MAPK8IP1: variants seen among roughly 807,000 people sequenced by gnomAD.
MAPK8IP1 encodes the protein mitogen-activated protein kinase 8 interacting protein 1.
Under a neutral mutation model 72.6 loss-of-function variants are expected in MAPK8IP1, and 17 were observed. That is an observed-to-expected ratio of 0.23 (90% confidence interval 0.16 to 0.35). The LOEUF is 0.35. Among genes scored for constraint, MAPK8IP1 ranks in the 10% least tolerant of loss-of-function variants. The pLI, the probability that MAPK8IP1 is intolerant of heterozygous loss-of-function variation, is 1.00. For missense variants in MAPK8IP1, 789 were observed against 1,009.7 expected (o/e 0.78, Z 2.96); for synonymous variants, 401 against 443.4 (o/e 0.90, Z 1.20).
intron 1 of MAPK8IP1, among the ~76,000 whole-genome samples, chr11:45,890,790 A>G (rs1487541981): frequency 6.6e-6 from 1 of 152,082 alleles, no homozygotes; most frequent in Non-Finnish European, 1.5e-5. Context: ...GGAGGACCCA[A>G]TTGGAGGAAT....
At chr11:45,895,401 C>T (rs2086595497) in intron 1 of MAPK8IP1, among the ~76,000 whole-genome samples, 1 of 152,084 alleles carries the variant, frequency 6.6e-6, no homozygotes, top group South Asian at 2.1e-4. Flanking sequence ...GAGCAGATCA[C>T]CTGAGGTCAG....
intron 11 of MAPK8IP1, 97 bp from the exon 12 acceptor site, chr11:45,905,552 T>TG (rs2086701108): frequency 9.1e-7 from 1 of 1,101,252 alleles, no homozygotes; most frequent in African/African-American, 1.5e-5. Flanking sequence ...GAGCTGCACT[T>TG]GGGCCCCAAG....
chr11:45,896,464 C>A, intron 1 of MAPK8IP1: 1 of 923,858 alleles, frequency 1.1e-6, no homozygotes, highest in Non-Finnish European at 1.3e-6. Context: ...AGATTTCTGC[C>A]ATCTACTTAC....
At chr11:45,899,334 C>T (rs1342059835) in intron 2 of MAPK8IP1, among the ~76,000 whole-genome samples, 1 of 152,278 alleles carries the variant, frequency 6.6e-6, no homozygotes, top group Non-Finnish European at 1.5e-5. Flanking sequence ...CCAGGCACTA[C>T]TGGCCAGAGG....
chr11:45,889,005 C>T (rs1340455550), intron 1 of MAPK8IP1, among the ~76,000 whole-genome samples: 1 of 152,132 alleles, frequency 6.6e-6, no homozygotes, highest in Non-Finnish European at 1.5e-5. Flanking sequence ...CAGTGTCATA[C>T]TTTTATATTA....
rs112012761 is a variant in MAPK8IP1 at position 45,904,224 on chromosome 11, A to G, written c.1666+63A>G. The G allele has an allele frequency of 5.9e-3, 9,148 of 1,547,756 alleles. 292 individuals are homozygous for G. The African/African-American group carries it at 0.085, about 14-fold the overall frequency. ...CATCTGTCTGCCCCAACTTGCTGCT[A>G]GGTGAACGTGTACTCCAGATCTCAG... On this transcript the variant is annotated intron_variant, in intron 7 of 11. Coordinates refer to ENST00000241014, the MANE Select transcript of MAPK8IP1 (RefSeq NM_005456.4). This position sits in a 1 kb window ranked among gnomAD's most constrained non-coding sequence, Gnocchi z 6.4.
Position 45,900,966 on chromosome 11 carries a change from CA to C in MAPK8IP1, c.522+515del, listed in dbSNP as rs1314887575. Among the ~76,000 whole-genome samples, 1 of 151,820 alleles carries C rather than the reference CA, an allele frequency of 6.6e-6. No individual in the cohort carries two copies. Among genetic ancestry groups the C allele is most frequent in the East Asian group, 1.9e-4 (1 of 5,164 alleles). On this transcript the variant is annotated intron_variant, in intron 3 of 11. Transcript: ENST00000241014. This position sits in a 1 kb window ranked among gnomAD's most constrained non-coding sequence, Gnocchi z 6.5. The stretch of plus-strand genomic sequence containing the variant: ...TGGGCAGCTGCGAATTCCCAGAAGG[CA>C]GGGGGGAGGAATGGGAGATGGAGCT...
At chr11:45,888,453 C>T (rs1030735051) in intron 1 of MAPK8IP1, among the ~76,000 whole-genome samples, 1 of 152,124 alleles carries the variant, frequency 6.6e-6, no homozygotes, top group African/African-American at 2.4e-5. Flanking sequence ...AGTGGCAGAG[C>T]TTGTAAGTGG....
Position 45,904,411 on chromosome 11 carries a change from C to A in MAPK8IP1, c.1667-44C>A. 6.5e-7 allele frequency: 1 copy of A among 1,528,462 alleles called. No homozygotes were observed. Among genetic ancestry groups the A allele is most frequent in the African/African-American group, 1.4e-5 (1 of 73,330 alleles). The allele number at this position is 1,528,462 out of a possible 1,614,324, so 94.7% of individuals were successfully genotyped here. ...CTCCTTCACTTGGCTGCTCAGCTCCCTCCTGCTCTTTCTGCCCCTCCTCAA... is the reference window on the plus strand; with the variant it reads ...CTCCTTCACTTGGCTGCTCAGCTCCATCCTGCTCTTTCTGCCCCTCCTCAA... On this transcript the variant is annotated intron_variant, in intron 7 of 11. Transcript: ENST00000241014. The surrounding 1 kb of genome is among the most constrained non-coding windows in gnomAD (Gnocchi z 6.4).
At chr11:45,889,481 T>C (rs2086550435) in intron 1 of MAPK8IP1, among the ~76,000 whole-genome samples, 2 of 151,982 alleles carry the variant, frequency 1.3e-5, no homozygotes, top group Admixed American at 1.3e-4. Flanking sequence ...GAAAAGAGAA[T>C]TTAGAAATTT....
In MAPK8IP1 at chr11:45,903,507, T is replaced by G. The variant is rs1459856189; in HGVS notation, c.1493+67T>G. On this transcript the variant is annotated intron_variant, in intron 6 of 11. Coordinates refer to ENST00000241014, the MANE Select transcript of MAPK8IP1 (RefSeq NM_005456.4). This position sits in a 1 kb window ranked among gnomAD's most constrained non-coding sequence, Gnocchi z 6.4. ...TGGGCCACACACCACCCTCTACTTG[T>G]CACCCCTACATGGCCTCAGCCTAAC... 6 of 1,376,792 alleles carry G rather than the reference T, an allele frequency of 4.4e-6. No homozygotes were observed. Among genetic ancestry groups the G allele is most frequent in the Admixed American group, 3.8e-5 (2 of 53,294 alleles). 85.3% of individuals were successfully genotyped at this position (1,376,792 alleles called of 1,614,324 possible). A position where few individuals can be genotyped will look rare whatever the true frequency, so the allele number is the denominator to read the frequency against.
Position 45,902,886 on chromosome 11 carries a change from C to G in MAPK8IP1, c.1119C>G (p.Ala373=). Residue 373 remains alanine, a synonymous_variant, in exon 5 of 12, where the codon GCC becomes GCG. Coordinates refer to ENST00000241014, the MANE Select transcript of MAPK8IP1 (RefSeq NM_005456.4). This position sits in a 1 kb window ranked among gnomAD's most constrained non-coding sequence, Gnocchi z 9.3. ...PRASLSSDTS[A]LSYDSVKYTL... ...CCTCTCTGAGCTCGGACACCAGCGC[C>G]CTGTCCTATGACTCTGTCAAGTACA... 6.2e-7 allele frequency: 1 copy of G among 1,603,152 alleles called. No individual in the cohort carries two copies. The highest frequency in any genetic ancestry group is 8.5e-7 in the Non-Finnish European group (1 of 1,175,238).
chr11:45,896,867 G>T, intron 1 of MAPK8IP1: 1 of 1,550,720 alleles, frequency 6.4e-7, no homozygotes, highest in Non-Finnish European at 8.7e-7. Flanking sequence ...CCCCCGGCCG[G>T]GCAGGGCTCT....
intron 1 of MAPK8IP1, among the ~76,000 whole-genome samples, chr11:45,895,386 G>A (rs545488044): frequency 1.9e-4 from 29 of 152,260 alleles, no homozygotes; most frequent in Non-Finnish European, 3.1e-4. Context: ...TTGAGAAGCC[G>A]AGGCGAGCAG....
In MAPK8IP1 at chr11:45,903,332, AC is replaced by A; in HGVS notation, c.1418-27del. 6.2e-7 allele frequency: 1 copy of A among 1,607,684 alleles called. No homozygotes were observed. The highest frequency in any genetic ancestry group is 8.5e-7 in the Non-Finnish European group (1 of 1,176,370). On this transcript the variant is annotated intron_variant, in intron 5 of 11. Coordinates refer to ENST00000241014, the MANE Select transcript of MAPK8IP1 (RefSeq NM_005456.4). The surrounding 1 kb of genome is among the most constrained non-coding windows in gnomAD (Gnocchi z 6.4). Reference sequence around the variant, plus strand: ...CCGCTAAACCTGGATCAGAGCTGCGACCCCCCATCCAGCCACACCACCTCAC... The same window carrying A: ...CCGCTAAACCTGGATCAGAGCTGCGACCCCCATCCAGCCACACCACCTCAC...
Position 45,903,863 on chromosome 11 carries a change from G to A in MAPK8IP1, c.1494-126G>A. ...CTCCCCTGGGGTTAGTACTGCAACA[G>A]GCACACAGGATGCTTTTGCAAATGT... is the stretch of plus-strand genomic sequence containing the variant. On this transcript the variant is annotated intron_variant, in intron 6 of 11. Coordinates refer to ENST00000241014, the MANE Select transcript of MAPK8IP1 (RefSeq NM_005456.4). This position sits in a 1 kb window ranked among gnomAD's most constrained non-coding sequence, Gnocchi z 6.4. The A allele has an allele frequency of 7.9e-6, 7 of 888,256 alleles. No individual in the cohort carries two copies. Among genetic ancestry groups the A allele is most frequent in the Admixed American group, 1.7e-5 (1 of 57,226 alleles). The allele number at this position is 888,256 out of a possible 1,614,324, so 55.0% of individuals were successfully genotyped here. A position where few individuals can be genotyped will look rare whatever the true frequency, so the allele number is the denominator to read the frequency against.
In MAPK8IP1 at chr11:45,902,115, C is replaced by T; in HGVS notation, c.604+54C>T. On this transcript the variant is annotated intron_variant, in intron 4 of 11. Coordinates refer to ENST00000241014, the MANE Select transcript of MAPK8IP1 (RefSeq NM_005456.4). The surrounding 1 kb of genome is among the most constrained non-coding windows in gnomAD (Gnocchi z 9.3). ...ACCTCCGCCTGCCCTGACTCAGTCCCCACTACAGAGAGCAAACCCTACAGT... is the reference window on the plus strand; with the variant it reads ...ACCTCCGCCTGCCCTGACTCAGTCCTCACTACAGAGAGCAAACCCTACAGT... 1.4e-6 allele frequency: 2 copies of T among 1,480,510 alleles called. No individual in the cohort carries two copies. Among genetic ancestry groups the T allele is most frequent in the Non-Finnish European group, 1.9e-6 (2 of 1,058,206 alleles). 91.7% of individuals were successfully genotyped at this position (1,480,510 alleles called of 1,614,324 possible). A position where few individuals can be genotyped will look rare whatever the true frequency, so the allele number is the denominator to read the frequency against.
chr11:45,896,429 G>A, intron 1 of MAPK8IP1: 6 of 722,326 alleles, frequency 8.3e-6, no homozygotes, highest in Non-Finnish European at 1.0e-5. Flanking sequence ...CCAACCAAGG[G>A]CTGGCTTTTG....
At position 45,902,831 on chromosome 11, in the gene MAPK8IP1, G is replaced by T; in HGVS notation, c.1064G>T (p.Ser355Ile). ...AEPPGGGWRG[S>I]LGEPPPPPRA... Reference sequence around the variant, plus strand: ...CCCCCAGGCGGAGGGTGGCGGGGGAGCCTGGGGGAGCCGCCGCCACCTCCA... The same window carrying T: ...CCCCCAGGCGGAGGGTGGCGGGGGATCCTGGGGGAGCCGCCGCCACCTCCA... Residue 355 changes from serine to isoleucine, a missense_variant, in exon 5 of 12, where the codon AGC becomes ATC. Around this residue, in one of 4 missense-constraint regions of MAPK8IP1, gnomAD observed 377 missense variants for 411.7 expected, o/e 0.92. Coordinates refer to ENST00000241014, the MANE Select transcript of MAPK8IP1 (RefSeq NM_005456.4). The surrounding 1 kb of genome is among the most constrained non-coding windows in gnomAD (Gnocchi z 9.3). 1.3e-6 allele frequency: 2 copies of T among 1,580,338 alleles called. No homozygotes were observed. Among genetic ancestry groups the T allele is most frequent in the South Asian group, 1.1e-5 (1 of 87,998 alleles).
Sources: allele counts gnomAD v4.1 joint callset (sites outside exome capture counted in the v4.1 genomes callset), GRCh38; gene constraint gnomAD v4.1.1; regional missense constraint gnomAD v4.1.1; non-coding constraint Gnocchi (gnomAD v3.1); transcripts MANE v1.5; gene names NCBI Gene and HGNC (gene_info 2026-07-23, HGNC 2026-07-21).